The following SASH1 variants were observed in gnomAD, a reference collection of about 807,000 sequenced individuals.
SASH1 encodes the protein SAM and SH3 domain containing 1, also known as SAM and SH3 domain-containing protein 1.
A neutral mutation model predicts 125.2 loss-of-function variants in SASH1; 44 were observed. The ratio of observed to expected loss-of-function variants is 0.35; its 90% CI spans 0.28 to 0.45. The LOEUF (loss-of-function observed/expected upper bound fraction) is 0.45. SASH1 is among the 20% of genes least tolerant of loss of function. SASH1 has a pLI of 1.00. For missense variants in SASH1, 1,426 were observed against 1,614.5 expected (o/e 0.88, Z 2.00); for synonymous variants, 639 against 649.1 (o/e 0.98, Z 0.24).
chr6:148,332,757 C>A (rs752693167), intron 1 of SASH1, among the ~76,000 whole-genome samples: 3 of 151,994 alleles, frequency 2.0e-5, no homozygotes, highest in African/African-American at 4.8e-5. Flanking sequence ...GAGGCTGAGG[C>A]GGGCGGATCA....
At chr6:148,488,396 T>C (rs1313734919) in intron 8 of SASH1, among the ~76,000 whole-genome samples, 1 of 152,270 alleles carries the variant, frequency 6.6e-6, no homozygotes, top group African/African-American at 2.4e-5. Flanking sequence ...CATCTGTTAA[T>C]GGACACTTAG....
chr6:148,279,432 T>C (rs1253804254), intron 1 of SASH1, among the ~76,000 whole-genome samples: 1 of 152,228 alleles, frequency 6.6e-6, no homozygotes, highest in African/African-American at 2.4e-5. Context: ...AATAATACTT[T>C]GTTGAATAAA....
At chr6:148,276,753 C>T (rs1779194116) in intron 1 of SASH1, among the ~76,000 whole-genome samples, 1 of 151,872 alleles carries the variant, frequency 6.6e-6, no homozygotes, top group Non-Finnish European at 1.5e-5. Flanking sequence ...ATTTTTTTAC[C>T]CAAGAAGTGC....
At chr6:148,356,083 T>TC (rs1018364247) in intron 1 of SASH1, among the ~76,000 whole-genome samples, 3 of 149,918 alleles carry the variant, frequency 2.0e-5, no homozygotes, top group African/African-American at 7.4e-5. Flanking sequence ...TTTTTTTTTT[T>TC]TTCTTTTCTT....
At chr6:148,200,017 C>T in the SASH1 span, among the ~76,000 whole-genome samples, 2 of 152,130 alleles carry the variant, frequency 1.3e-5, no homozygotes, top group African/African-American at 2.4e-5. Context: ...TTCTCATCTG[C>T]GACCCTTGAT....
chr6:148,308,242 T>C (rs952286762), intron 1 of SASH1, among the ~76,000 whole-genome samples: 4 of 151,864 alleles, frequency 2.6e-5, no homozygotes, highest in African/African-American at 7.2e-5. Flanking sequence ...TTAATAATGG[T>C]GTTTTGCCAC....
intron 10 of SASH1, chr6:148,520,182 T>C (rs1409321559): frequency 5.4e-6 from 2 of 371,986 alleles, no homozygotes; most frequent in African/African-American, 4.1e-5. Context: ...CAATATCACC[T>C]ACGTGGTGGA....
In SASH1 at chr6:148,298,866, AG is replaced by A; in HGVS notation, n.74+26492del. Among the ~76,000 whole-genome samples the A allele has an allele frequency of 3.6e-5, 4 of 111,490 alleles. No individual in the cohort carries two copies. The Middle Eastern group carries it at 0.017, about 468-fold the overall frequency. The allele number at this position is 111,490 out of a possible 152,430, so 73.1% of individuals were successfully genotyped here. A position where few individuals can be genotyped will look rare whatever the true frequency, so the allele number is the denominator to read the frequency against. On this transcript the variant is annotated intron_variant and non_coding_transcript_variant, in intron 1 of 3. Coordinates refer to the SASH1 transcript ENST00000367469. ...AAAAAAGGAAGGAAGGGAAGGAGGG[AG>A]GGAAGTAAGGAGGGAGGGAGGGAGG...
At chr6:148,460,691 G>A (rs1175862116) in intron 4 of SASH1, among the ~76,000 whole-genome samples, 12 of 152,058 alleles carry the variant, frequency 7.9e-5, no homozygotes, top group Non-Finnish European at 8.8e-5. Context: ...GAAGACAATA[G>A]GATATAATAA....
chr6:148,346,047 ACCTTACTTTTTCAGATTATTC>A (rs2114644338), intron 1 of SASH1, among the ~76,000 whole-genome samples: 1 of 152,346 alleles, frequency 6.6e-6, no homozygotes, highest in South Asian at 2.1e-4. Context: ...ACACAGTTCT[ACCTTACTTTTTCAGATTATTC>A]TAATTGTGGA....
At chr6:148,471,596 C>T (rs1257416434) in intron 6 of SASH1, 93 bp downstream of exon 6, 9 of 756,368 alleles carry the variant, frequency 1.2e-5, no homozygotes, top group African/African-American at 5.4e-5. Context: ...TATAAGTTAG[C>T]GTAACTCACC....
At chr6:148,197,553 C>A in the SASH1 span, among the ~76,000 whole-genome samples, 1 of 152,216 alleles carries the variant, frequency 6.6e-6, no homozygotes, top group African/African-American at 2.4e-5. Context: ...TGCAGGCCAC[C>A]CTCCTGCCAC....
intron 2 of SASH1, among the ~76,000 whole-genome samples, chr6:148,404,725 C>T (rs946734339): frequency 5.9e-5 from 7 of 118,332 alleles, no homozygotes; most frequent in African/African-American, 2.3e-4. Flanking sequence ...GCCTCCTGCC[C>T]CAGCCCCACC....
At chr6:148,489,026 T>C (rs1778991377) in intron 8 of SASH1, among the ~76,000 whole-genome samples, 1 of 152,214 alleles carries the variant, frequency 6.6e-6, no homozygotes, top group East Asian at 1.9e-4. Context: ...TGGTGTCATA[T>C]CCAAAAAATC....
At chr6:148,498,057 G>A (rs1779387498) in intron 8 of SASH1, among the ~76,000 whole-genome samples, 1 of 152,018 alleles carries the variant, frequency 6.6e-6, no homozygotes, top group South Asian at 2.1e-4. Flanking sequence ...TCAGGAAGTT[G>A]AGGGTGCTTG....
intron 2 of SASH1, among the ~76,000 whole-genome samples, chr6:148,416,060 T>A (rs528414514): frequency 2.0e-5 from 3 of 152,342 alleles, no homozygotes; most frequent in African/African-American, 7.2e-5. Flanking sequence ...TCCAGGGCTT[T>A]AGAAAAGCTG....
intron 4 of SASH1, 156 bp downstream of exon 4, chr6:148,440,563 G>A: frequency 1.6e-6 from 1 of 634,908 alleles, no homozygotes; most frequent in Non-Finnish European, 2.8e-6. Context: ...GTGTATCTAG[G>A]TGGCTAAGAG....
chr6:148,387,610 T>TTCTCTCTC (rs1491200384), intron 1 of SASH1, among the ~76,000 whole-genome samples: 1 of 22,054 alleles, frequency 4.5e-5, no homozygotes, highest in Non-Finnish European at 8.6e-5. Context: ...CTTTCTTTCT[T>TTCTCTCTC]TCTTTCTTTC....
In SASH1 at chr6:148,342,917, CGGGGTGGCCGGGGCCGCCGG is replaced by C. The variant is rs1298475437; in HGVS notation, c.-148_-129del. ...TGCGGGCGCCTGCGAAGGGCCCCCG[CGGGGTGGCCGGGGCCGCCGG>C]GGCATGCAGCGCGGGGGCGCGGCTC... On this transcript the variant is annotated 5_prime_UTR_variant, in exon 1 of 20. Coordinates refer to ENST00000367467, the MANE Select transcript of SASH1 (RefSeq NM_015278.5). The C allele has an allele frequency of 1.2e-5, 8 of 656,378 alleles. No homozygotes were observed. The highest frequency in any genetic ancestry group is 1.4e-4 in the East Asian group (1 of 7,354). 40.7% of individuals were successfully genotyped at this position (656,378 alleles called of 1,614,324 possible).
Sources: allele counts gnomAD v4.1 joint callset (sites outside exome capture counted in the v4.1 genomes callset), GRCh38; gene constraint gnomAD v4.1.1; transcripts MANE v1.5; gene names NCBI Gene and HGNC (gene_info 2026-07-23, HGNC 2026-07-21).